ACLY: variants seen among roughly 807,000 people sequenced by gnomAD.
ACLY encodes ATP citrate lyase, also known as ATP-citrate synthase.
Under a neutral mutation model 133.0 loss-of-function variants are expected in ACLY, and 41 were observed. The observed-to-expected ratio is 0.31, with a 90% CI of 0.24 to 0.40. ACLY has a LOEUF of 0.40. ACLY is among the 10% of genes least tolerant of loss of function. ACLY has a pLI of 1.00. For synonymous variants in ACLY, 495 were observed against 549.3 expected (o/e 0.90, Z 1.38); for missense variants, 1,046 against 1,453.8 (o/e 0.72, Z 4.56).
At chr17:41,868,987 A>C (rs782084059) in intron 27 of ACLY, 56 bp downstream of exon 27, 20 of 1,484,514 alleles carry the variant, frequency 1.3e-5, no homozygotes, top group Non-Finnish European at 1.7e-5. Context: ...TATAGTTTGG[A>C]GGAAACAACA....
chr17:41,912,663 C>G lies in ACLY; in HGVS notation c.160-121G>C, dbSNP rs1482898112. On this transcript the variant is annotated intron_variant, in intron 2 of 28. Coordinates refer to ENST00000352035, the MANE Select transcript of ACLY (RefSeq NM_001096.3). ...CATTCACTCTGCTCCAAAGCCAGCC[C>G]TAACCATCCTTCAGAGTCAACTCCT... The G allele has an allele frequency of 2.2e-5, 28 of 1,263,480 alleles. 1 individual carries two copies. The highest frequency in any genetic ancestry group is 3.1e-5 in the Non-Finnish European group (28 of 905,916). The allele number at this position is 1,263,480 out of a possible 1,614,324, so 78.3% of individuals were successfully genotyped here.
chr17:41,871,225 T>A (rs1216970215), intron 25 of ACLY, among the ~76,000 whole-genome samples: 9 of 152,138 alleles, frequency 5.9e-5, no homozygotes, highest in African/African-American at 2.2e-4. Context: ...ATGGAAAAAA[T>A]AGCTGCTTTG....
At chr17:41,877,132 A>G (rs2048781440) in intron 22 of ACLY, among the ~76,000 whole-genome samples, 1 of 150,068 alleles carries the variant, frequency 6.7e-6, no homozygotes. Flanking sequence ...TATGTTCTCT[A>G]TCTCTCTCTC....
chr17:41,905,808 A>C, intron 8 of ACLY, 150 bp from the exon 9 acceptor site: 2 of 954,302 alleles, frequency 2.1e-6, no homozygotes, highest in Non-Finnish European at 3.2e-6. Flanking sequence ...TTCCCATGCA[A>C]GTCTGGCCTG....
intron 19 of ACLY, 147 bp from the exon 20 acceptor site, chr17:41,883,379 C>CTCCTAGAGG: frequency 1.6e-6 from 1 of 631,848 alleles, no homozygotes; most frequent in Non-Finnish European, 2.8e-6. Flanking sequence ...TCTAAAGGAA[C>CTCCTAGAGG]AAACAGCAGG....
At chr17:41,888,398 GCTAT>G (rs1417918487) in intron 16 of ACLY, among the ~76,000 whole-genome samples, 1 of 152,174 alleles carries the variant, frequency 6.6e-6, no homozygotes, top group Admixed American at 6.5e-5. Context: ...TCATAAAGCA[GCTAT>G]CTAAGGCTTT....
chr17:41,918,849 C>T, intron 1 of ACLY, 31 bp downstream of exon 1: 1 of 1,286,796 alleles, frequency 7.8e-7, no homozygotes, highest in Non-Finnish European at 1.0e-6. Context: ...CGAGCGGGCT[C>T]CAGCCAGCGA....
chr17:41,886,045 A>T (rs1410976647), intron 18 of ACLY, 67 bp downstream of exon 18: 1 of 1,512,182 alleles, frequency 6.6e-7, no homozygotes, highest in East Asian at 2.3e-5. Flanking sequence ...CCTGCAGGAC[A>T]CAGCATCGTC....
intron 14 of ACLY, among the ~76,000 whole-genome samples, chr17:41,894,566 AC>A (rs2049312441): frequency 1.3e-5 from 2 of 151,682 alleles, no homozygotes; most frequent in South Asian, 4.2e-4. Flanking sequence ...AAAAAAAAAA[AC>A]AACAAAGAAA....
chr17:41,869,734 A>G (rs1315636389), intron 25 of ACLY, 147 bp from the exon 26 acceptor site: 5 of 620,820 alleles, frequency 8.1e-6, no homozygotes, highest in East Asian at 2.7e-5. Context: ...TGTGGCACCA[A>G]TTGTGCTAAT....
intron 1 of ACLY, among the ~76,000 whole-genome samples, chr17:41,918,244 T>A (rs2050107918): frequency 6.6e-6 from 1 of 152,110 alleles, no homozygotes; most frequent in Non-Finnish European, 1.5e-5. Context: ...CGACGATACC[T>A]CCAGTGCGAG....
Position 41,910,342 on chromosome 17 carries a change from CAGA to C in ACLY, c.283-61_283-59del, listed in dbSNP as rs2049864974. ...GGGACAGCACGTCTTGCCCCTAGGG[CAGA>C]AGGAGGGACTGCACAGGGGTGGTGC... On this transcript the variant is annotated intron_variant, in intron 3 of 28. Coordinates refer to ENST00000352035, the MANE Select transcript of ACLY (RefSeq NM_001096.3). 12 of 1,508,132 alleles carry C rather than the reference CAGA, an allele frequency of 8.0e-6. No individual in the cohort carries two copies. The South Asian group carries it at 1.0e-4, about 13-fold the overall frequency. 93.4% of individuals were successfully genotyped at this position (1,508,132 alleles called of 1,614,324 possible).
intron 2 of ACLY, 111 bp downstream of exon 2, chr17:41,913,604 G>T: frequency 8.4e-7 from 1 of 1,183,502 alleles, no homozygotes; most frequent in Non-Finnish European, 1.2e-6. Context: ...CACAGCTGCT[G>T]CTGGCAGCCT....
upstream of ACLY, chr17:41,919,019 T>C (rs1051530225): frequency 5.2e-5 from 67 of 1,285,314 alleles, no homozygotes; most frequent in Non-Finnish European, 6.7e-5. Context: ...CCCCATCGGC[T>C]CGCGGCGAGA....
rs375280598 is a variant in ACLY, at chr17:41,913,897, C to G, written c.-23-1G>C. On this transcript the variant is annotated splice_acceptor_variant, in intron 1 of 28. Coordinates refer to ENST00000352035, the MANE Select transcript of ACLY (RefSeq NM_001096.3). LOFTEE classifies it low-confidence loss of function (5UTR_SPLICE). Reference sequence around the variant, plus strand: ...ATGGCTGCAGAGAGACCTGCTCTACCTGTCTGGGAGAGAGAAGCTGGTCAG... The same window carrying G: ...ATGGCTGCAGAGAGACCTGCTCTACGTGTCTGGGAGAGAGAAGCTGGTCAG... The G allele has an allele frequency of 5.6e-5, 90 of 1,613,852 alleles. No individual in the cohort carries two copies. The highest frequency in any genetic ancestry group is 7.4e-5 in the Non-Finnish European group (87 of 1,179,864).
In ACLY at chr17:41,878,168, C is replaced by CTT. The variant is rs782498925; in HGVS notation, c.2421_2422insAA (p.Gly808LysfsTer27). ...ACCTCCTGGGCAGGTACAATGACTCCATTGGCCACGAGATCTTCGTATACA... is the reference window on the plus strand; with the variant it reads ...ACCTCCTGGGCAGGTACAATGACTCCTTATTGGCCACGAGATCTTCGTATACA... On this transcript the variant is annotated frameshift_variant, in exon 22 of 29. Coordinates refer to ENST00000352035, the MANE Select transcript of ACLY (RefSeq NM_001096.3). LOFTEE classifies it high-confidence loss of function. 5.8e-5 allele frequency: 93 copies of CTT among 1,596,228 alleles called. No homozygotes were observed. The East Asian group carries it at 2.1e-3, about 36-fold the overall frequency.
chr17:41,868,622 A>G (rs1187425341), intron 28 of ACLY, 87 bp downstream of exon 28: 2 of 826,192 alleles, frequency 2.4e-6, no homozygotes, highest in Non-Finnish European at 3.6e-6. Context: ...AAAAGAAAGA[A>G]AAAGAAACTC....
chr17:41,871,836 G>T lies in ACLY; in HGVS notation c.2794-4C>A. On this transcript the variant is annotated splice_polypyrimidine_tract_variant and splice_region_variant and intron_variant, in intron 24 of 28. Transcript: ENST00000352035. The stretch of plus-strand genomic sequence containing the variant: ...AGGCACCCCCAAACCGATCCCCCTG[G>T]AGGAGAAACAAGTGCGTGTTGCCTT... 6.2e-7 allele frequency: 1 copy of T among 1,613,634 alleles called. No individual in the cohort carries two copies. The highest frequency in any genetic ancestry group is 1.3e-5 in the African/African-American group (1 of 75,008).
rs782432678 is a variant in ACLY at position 41,908,971 on chromosome 17, C to A, written c.616+18G>T. ...CACTGGGACCCTTGCCCCCTCCCAG[C>A]CAAGCACACCCAGTTACCAAGGGGA... On this transcript the variant is annotated intron_variant, in intron 6 of 28. Transcript: ENST00000352035. 1 of 1,606,936 alleles carries A rather than the reference C, an allele frequency of 6.2e-7. No homozygotes were observed. Among genetic ancestry groups the A allele is most frequent in the Non-Finnish European group, 8.5e-7 (1 of 1,174,420 alleles).
Sources: allele counts gnomAD v4.1 joint callset (sites outside exome capture counted in the v4.1 genomes callset), GRCh38; gene constraint gnomAD v4.1.1; transcripts MANE v1.5; gene names NCBI Gene and HGNC (gene_info 2026-07-23, HGNC 2026-07-21).